The following SLC4A10 variants were observed in gnomAD, a reference collection of about 807,000 sequenced individuals.
The protein encoded by SLC4A10 is solute carrier family 4 member 10.
A neutral mutation model predicts 137.7 loss-of-function variants in SLC4A10; 42 were observed. The observed-to-expected ratio is 0.30, with a 90% CI of 0.24 to 0.39. The LOEUF (loss-of-function observed/expected upper bound fraction) is 0.39. SLC4A10 is among the 10% of genes least tolerant of loss of function. The pLI is 1.00. For synonymous variants in SLC4A10, 474 were observed against 464.1 expected, an observed-to-expected ratio of 1.02 and a Z score of -0.27; for missense variants, 925 against 1,355.0, an observed-to-expected ratio of 0.68 and a Z score of 4.98.
chr2:161,651,291 G>C (rs1020652008), intron 1 of SLC4A10: 1 of 152,478 alleles, frequency 6.6e-6, no homozygotes. Flanking sequence ...GTGGAAAGGA[G>C]CTACCCACTG....
chr2:161,906,522 C>T (rs1005235005), intron 15 of SLC4A10, among the ~76,000 whole-genome samples: 22 of 152,124 alleles, frequency 1.4e-4, no homozygotes, highest in Admixed American at 2.6e-4. Context: ...GTCTCTAAGG[C>T]TTTGTCTGCA....
chr2:161,687,758 T>G (rs1001862712), intron 1 of SLC4A10, among the ~76,000 whole-genome samples: 1 of 152,150 alleles, frequency 6.6e-6, no homozygotes, highest in Non-Finnish European at 1.5e-5. Flanking sequence ...CTCATGATAA[T>G]GAGTGAGTCT....
chr2:161,634,103 C>T (rs2034030172), intron 1 of SLC4A10, among the ~76,000 whole-genome samples: 1 of 151,748 alleles, frequency 6.6e-6, no homozygotes. Context: ...ATTCAGAGTA[C>T]CATATTGTGT....
intron 8 of SLC4A10, among the ~76,000 whole-genome samples, chr2:161,878,307 G>A (rs2061558169): frequency 6.6e-6 from 1 of 152,088 alleles, no homozygotes; most frequent in South Asian, 2.1e-4. Flanking sequence ...ACAAGACATA[G>A]ATCTTGTACA....
chr2:161,904,642 C>T (rs548559582), intron 13 of SLC4A10, 134 bp from the exon 14 acceptor site: 27 of 1,009,734 alleles, frequency 2.7e-5, no homozygotes, highest in East Asian at 4.8e-5. Context: ...TTCTACCCCA[C>T]GTCTTGCCCA....
intron 3 of SLC4A10, among the ~76,000 whole-genome samples, chr2:161,836,279 C>T (rs1355517179): frequency 6.6e-6 from 1 of 151,934 alleles, no homozygotes; most frequent in African/African-American, 2.4e-5. Flanking sequence ...AGGCAGATCA[C>T]TTGAGGTCAG....
At chr2:161,946,788 G>C (rs567240968) in intron 16 of SLC4A10, among the ~76,000 whole-genome samples, 4 of 152,118 alleles carry the variant, frequency 2.6e-5, no homozygotes, top group African/African-American at 9.6e-5. Flanking sequence ...AGTTGCAGAA[G>C]AAAAAATAAT....
At chr2:161,779,068 G>A (rs1416844511) in intron 2 of SLC4A10, among the ~76,000 whole-genome samples, 1 of 151,956 alleles carries the variant, frequency 6.6e-6, no homozygotes, top group African/African-American at 2.4e-5. Flanking sequence ...TTGGCTTCTG[G>A]TGAGGGCTTT....
At chr2:161,923,391 T>A (rs1471665655) in intron 15 of SLC4A10, among the ~76,000 whole-genome samples, 1 of 152,190 alleles carries the variant, frequency 6.6e-6, no homozygotes, top group Non-Finnish European at 1.5e-5. Context: ...TTTCAGTCTA[T>A]GAGCTTGTGA....
intron 3 of SLC4A10, among the ~76,000 whole-genome samples, chr2:161,806,703 T>G (rs368082238): frequency 1.3e-5 from 2 of 152,222 alleles, no homozygotes; most frequent in East Asian, 3.9e-4. Flanking sequence ...CTGGACCTTA[T>G]TGTCCATATC....
rs769810857 is a variant in SLC4A10, at chr2:161,904,818, G to A, written c.1660G>A (p.Ala554Thr). Reference sequence around the variant, plus strand: ...CTTTGGAGCATCCATGACCGGGATAGCCTATTCTCTCTTTGGTGGACAGCC... The same window carrying A: ...CTTTGGAGCATCCATGACCGGGATAACCTATTCTCTCTTTGGTGGACAGCC... ...SLFGASMTGI[A>T]YSLFGGQPLT... The change falls in exon 14 of 27, where the codon GCC becomes ACC. Residue 554 changes from alanine (A) to threonine (T), a missense_variant. Physicochemically the swap from Ala to Thr is moderately conservative, Grantham distance 58. Coordinates refer to ENST00000446997, the MANE Select transcript of SLC4A10 (RefSeq NM_001178015.2). 1 of 1,613,996 alleles carries A rather than the reference G, an allele frequency of 6.2e-7. No homozygotes were observed. Among genetic ancestry groups the A allele is most frequent in the South Asian group, 1.1e-5 (1 of 91,072 alleles).
At position 161,729,963 on chromosome 2, in the gene SLC4A10, A is replaced by G. The variant is rs576268401; in HGVS notation, c.49-41010A>G. ...ATCCATATTAGGTTTGCTGGAATAT[A>G]AAGCCGGCCAAGATAAGGCTTCTTG... On this transcript the variant is annotated intron_variant, in intron 1 of 26. Transcript: ENST00000446997. Among the ~76,000 whole-genome samples, 17 of 152,200 alleles carry G rather than the reference A, an allele frequency of 1.1e-4. 1 individual carries two copies. The highest frequency in any genetic ancestry group is 2.1e-4 in the Non-Finnish European group (14 of 68,036).
At chr2:161,899,786 A>C (rs1455714101) in intron 11 of SLC4A10, among the ~76,000 whole-genome samples, 3 of 152,104 alleles carry the variant, frequency 2.0e-5, no homozygotes, top group African/African-American at 7.2e-5. Context: ...TTTACCTGTA[A>C]AGACAGTTCC....
intron 21 of SLC4A10, among the ~76,000 whole-genome samples, chr2:161,960,584 G>A (rs1696512330): frequency 6.6e-6 from 1 of 151,742 alleles, no homozygotes; most frequent in Non-Finnish European, 1.5e-5. Context: ...GACGGGTGTG[G>A]TGGTGCATGC....
At chr2:161,764,437 G>A (rs190728635) in intron 1 of SLC4A10, among the ~76,000 whole-genome samples, 2 of 151,976 alleles carry the variant, frequency 1.3e-5, no homozygotes, top group East Asian at 3.9e-4. Context: ...GTTGAAGAAA[G>A]AATTCAGAAT....
At chr2:161,815,721 A>T (rs577351201) in intron 3 of SLC4A10, among the ~76,000 whole-genome samples, 1 of 152,238 alleles carries the variant, frequency 6.6e-6, no homozygotes, top group African/African-American at 2.4e-5. Context: ...AGGCACTGGT[A>T]TTTTTAAAAA....
chr2:161,974,816 C>G (rs1337052250), intron 24 of SLC4A10, among the ~76,000 whole-genome samples: 1 of 152,038 alleles, frequency 6.6e-6, no homozygotes, highest in Non-Finnish European at 1.5e-5. Flanking sequence ...TCTTTATGTA[C>G]AAAGACATAG....
chr2:161,784,544 C>G (rs1433390472), intron 2 of SLC4A10, among the ~76,000 whole-genome samples: 1 of 151,758 alleles, frequency 6.6e-6, no homozygotes, highest in Non-Finnish European at 1.5e-5. Context: ...ATTGTACCAA[C>G]TATTATTTCT....
At chr2:161,967,719 T>C (rs965586665) in intron 23 of SLC4A10, among the ~76,000 whole-genome samples, 3 of 152,216 alleles carry the variant, frequency 2.0e-5, no homozygotes, top group Non-Finnish European at 4.4e-5. Context: ...ATTAAAAACA[T>C]TTTGGGTCTT....
Sources: allele counts gnomAD v4.1 joint callset (sites outside exome capture counted in the v4.1 genomes callset), GRCh38; gene constraint gnomAD v4.1.1; transcripts MANE v1.5; gene names NCBI Gene and HGNC (gene_info 2026-07-23, HGNC 2026-07-21).